NCKAP5: variants seen among roughly 807,000 people sequenced by gnomAD.
NCKAP5 encodes NCK associated protein 5.
Under a neutral mutation model 167.0 loss-of-function variants are expected in NCKAP5, and 92 were observed. That is an observed-to-expected ratio of 0.55 (90% CI 0.47 to 0.66). The LOEUF is 0.66. Ranked by LOEUF, NCKAP5 falls within the 30% of genes least tolerant of loss-of-function variation. The pLI, the probability that NCKAP5 is intolerant of heterozygous loss-of-function variation, is 0.00. For missense variants in NCKAP5, 2,378 were observed against 2,315.0 expected (o/e 1.03, Z -0.56); for synonymous variants, 891 against 877.4 (o/e 1.02, Z -0.27).
At chr2:133,657,916 C>A in the NCKAP5 span, among the ~76,000 whole-genome samples, 6 of 152,058 alleles carry the variant, frequency 3.9e-5, no homozygotes, top group African/African-American at 1.4e-4. Flanking sequence ...TGATGGTAAA[C>A]AAGGGAAAGA....
At chr2:132,748,747 C>T (rs1285324303) in intron 16 of NCKAP5, among the ~76,000 whole-genome samples, 1 of 151,932 alleles carries the variant, frequency 6.6e-6, no homozygotes, top group Non-Finnish European at 1.5e-5. Flanking sequence ...ATTACTACTC[C>T]CTTATGGACT....
At chr2:133,490,203 A>G (rs1221097101) in intron 3 of NCKAP5, among the ~76,000 whole-genome samples, 1 of 152,218 alleles carries the variant, frequency 6.6e-6, no homozygotes, top group Non-Finnish European at 1.5e-5. Flanking sequence ...GGAATTGGGT[A>G]CAGCCCAAGT....
chr2:133,546,113 C>T (rs759859693), intron 2 of NCKAP5, among the ~76,000 whole-genome samples: 3 of 148,864 alleles, frequency 2.0e-5, no homozygotes, highest in African/African-American at 7.5e-5. Flanking sequence ...TGCATGTGTA[C>T]GCACACACAA....
At chr2:132,916,162 T>A (rs1231228195) in intron 8 of NCKAP5, among the ~76,000 whole-genome samples, 6 of 151,914 alleles carry the variant, frequency 3.9e-5, no homozygotes, top group African/African-American at 1.4e-4. Flanking sequence ...TCTTTTTTTT[T>A]AACAGCAAGC....
At chr2:132,776,812 C>G (rs1682593220) in intron 15 of NCKAP5, among the ~76,000 whole-genome samples, 2 of 152,012 alleles carry the variant, frequency 1.3e-5, no homozygotes, top group Non-Finnish European at 2.9e-5. Context: ...CATTCTTGAT[C>G]CCATAGGAGC....
At chr2:133,227,477 A>C (rs1487608254) in intron 4 of NCKAP5, among the ~76,000 whole-genome samples, 3 of 152,170 alleles carry the variant, frequency 2.0e-5, no homozygotes, top group Non-Finnish European at 4.4e-5. Flanking sequence ...TATGTTGGCC[A>C]CTTGTGGGTG....
At chr2:132,860,375 A>T in intron 11 of NCKAP5, 117 bp downstream of exon 11, 1 of 1,182,768 alleles carries the variant, frequency 8.5e-7, no homozygotes, top group Middle Eastern at 2.0e-4. Flanking sequence ...AAAGGAAAGA[A>T]TTGGGATTCT....
At chr2:132,948,822 C>T (rs954078268) in intron 8 of NCKAP5, among the ~76,000 whole-genome samples, 4 of 152,096 alleles carry the variant, frequency 2.6e-5, no homozygotes, top group Non-Finnish European at 5.9e-5. Flanking sequence ...AGGTAGGTAG[C>T]AGCCCATGGA....
At chr2:132,854,047 C>T (rs947608263) in intron 11 of NCKAP5, among the ~76,000 whole-genome samples, 1 of 152,176 alleles carries the variant, frequency 6.6e-6, no homozygotes, top group Non-Finnish European at 1.5e-5. Context: ...TTAGTTCACT[C>T]AGCATTTATT....
chr2:132,686,608 C>A lies in NCKAP5; in HGVS notation c.5714-13303G>T, dbSNP rs1573861556. Among the ~76,000 whole-genome samples the A allele has an allele frequency of 2.0e-5, 3 of 152,258 alleles. No homozygotes were observed. In the East Asian group the frequency reaches 5.8e-4, roughly 29 times the overall value. ...ATGCTAGTGGAATAAAAGGAGGATG[C>A]TAATTATGTTTATTTACTGGTCATC... is the stretch of plus-strand genomic sequence containing the variant. On this transcript the variant is annotated intron_variant, in intron 19 of 19. Coordinates refer to ENST00000409261, the MANE Select transcript of NCKAP5 (RefSeq NM_207363.3).
intron 19 of NCKAP5, chr2:132,714,812 C>CAA (rs11329925): frequency 2.1e-3 from 771 of 373,696 alleles, no homozygotes; most frequent in African/African-American, 5.1e-3. Flanking sequence ...GAATCCATCT[C>CAA]AAAAAAAAAA....
the NCKAP5 span, among the ~76,000 whole-genome samples, chr2:133,619,613 G>A: frequency 6.6e-6 from 1 of 151,948 alleles, no homozygotes; most frequent in African/African-American, 2.4e-5. Context: ...AAGAATAAAT[G>A]TCCAAACCTA....
At chr2:133,127,177 G>T (rs564344101) in intron 6 of NCKAP5, among the ~76,000 whole-genome samples, 45 of 152,238 alleles carry the variant, frequency 3.0e-4, no homozygotes, top group African/African-American at 1.1e-3. Context: ...TGCAATAAAG[G>T]CTTATTCTAT....
intron 3 of NCKAP5, among the ~76,000 whole-genome samples, chr2:133,412,232 T>A (rs1160323043): frequency 6.6e-6 from 1 of 152,146 alleles, no homozygotes; most frequent in Non-Finnish European, 1.5e-5. Context: ...CAGAGAGCCC[T>A]CTCTTTTTCT....
intron 6 of NCKAP5, among the ~76,000 whole-genome samples, chr2:133,090,212 TA>T (rs56131091): frequency 0.25 from 33,892 of 135,498 alleles, 4,154 homozygotes; most frequent in East Asian, 0.57. Flanking sequence ...ACAAGAAAAT[TA>T]AAAAAAAAAA....
chr2:133,136,418 A>G (rs923948697), intron 5 of NCKAP5, among the ~76,000 whole-genome samples: 5 of 152,332 alleles, frequency 3.3e-5, no homozygotes, highest in African/African-American at 1.2e-4. Flanking sequence ...TTGACGAAAC[A>G]TATCAGGCAT....
At chr2:133,499,527 G>A (rs1299874707) in intron 3 of NCKAP5, among the ~76,000 whole-genome samples, 1 of 148,868 alleles carries the variant, frequency 6.7e-6, no homozygotes, top group Non-Finnish European at 1.5e-5. Flanking sequence ...CTGAAGAAAA[G>A]TGACATAAAA....
chr2:132,816,136 G>C lies in NCKAP5; in HGVS notation c.808-19407C>G, dbSNP rs1868075. 1.4e-3 allele frequency among the ~76,000 whole-genome samples: 214 copies of C among 152,224 alleles called. 1 individual carries two copies. Among genetic ancestry groups the C allele is most frequent in the African/African-American group, 4.9e-3 (203 of 41,542 alleles). Reference sequence around the variant, plus strand: ...GGCTTACCGGAAATTTCAAATTCAAGAGATGGAGCTCTTGGATTCGTAAGG... The same window carrying C: ...GGCTTACCGGAAATTTCAAATTCAACAGATGGAGCTCTTGGATTCGTAAGG... On this transcript the variant is annotated intron_variant, in intron 11 of 19. Coordinates refer to ENST00000409261, the MANE Select transcript of NCKAP5 (RefSeq NM_207363.3).
the NCKAP5 span, among the ~76,000 whole-genome samples, chr2:133,654,111 C>T: frequency 1.1e-4 from 17 of 152,180 alleles, no homozygotes; most frequent in South Asian, 8.3e-4. Flanking sequence ...CAGCTGGGCG[C>T]GCTGGCTCAC....
Sources: allele counts gnomAD v4.1 joint callset (sites outside exome capture counted in the v4.1 genomes callset), GRCh38; gene constraint gnomAD v4.1.1; transcripts MANE v1.5; gene names NCBI Gene and HGNC (gene_info 2026-07-23, HGNC 2026-07-21).